CADM1: variants seen among roughly 807,000 people sequenced by gnomAD.
CADM1 encodes cell adhesion molecule 1, also known as TSLC-1.
Under a neutral mutation model 53.1 loss-of-function variants are expected in CADM1, and 15 were observed. That is an observed-to-expected ratio of 0.28 (90% confidence interval 0.19 to 0.44). CADM1 has a LOEUF of 0.44. Ranked by LOEUF, CADM1 falls within the 20% of genes least tolerant of loss-of-function variation. The pLI is 1.00. For missense variants in CADM1, 434 were observed against 611.3 expected, an observed-to-expected ratio of 0.71 and a Z score of 3.06; for synonymous variants, 281 against 243.0, an observed-to-expected ratio of 1.16 and a Z score of -1.45.
intron 1 of CADM1, among the ~76,000 whole-genome samples, chr11:115,278,871 G>A (rs1019692510): frequency 1.3e-5 from 2 of 152,178 alleles, no homozygotes; most frequent in Non-Finnish European, 2.9e-5. Flanking sequence ...ACAAAATGGT[G>A]GTGAGAGAGG....
rs546559974 is a variant in CADM1 at position 115,286,461 on chromosome 11, T to C, written c.125-46041A>G. Among the ~76,000 whole-genome samples, 5 of 152,316 alleles carry C rather than the reference T, an allele frequency of 3.3e-5. No homozygotes were observed. In the South Asian group the frequency reaches 8.3e-4, roughly 25 times the overall value. The stretch of plus-strand genomic sequence containing the variant: ...AGCTTATATACAAAACTGATTACTA[T>C]ATGCATTTTCAAAGGAGTTTAAATG... On this transcript the variant is annotated intron_variant, in intron 1 of 11. Coordinates refer to ENST00000331581, the MANE Select transcript of CADM1 (RefSeq NM_001301043.2).
chr11:115,259,531 C>T (rs553922101), intron 1 of CADM1, among the ~76,000 whole-genome samples: 9 of 152,156 alleles, frequency 5.9e-5, no homozygotes, highest in African/African-American at 2.2e-4. Flanking sequence ...GTCTCAAACT[C>T]CTGAGCTCAG....
chr11:115,364,270 G>A (rs564534197), intron 1 of CADM1, among the ~76,000 whole-genome samples: 88 of 152,166 alleles, frequency 5.8e-4, no homozygotes, highest in African/African-American at 2.0e-3. Context: ...CTTTTCTAAG[G>A]CCAAGTTATT....
At chr11:115,348,753 C>T (rs765610998) in intron 1 of CADM1, among the ~76,000 whole-genome samples, 7 of 152,224 alleles carry the variant, frequency 4.6e-5, no homozygotes, top group African/African-American at 9.6e-5. Flanking sequence ...AGCAAAACTG[C>T]TCACCACTGC....
At chr11:115,223,721 C>T (rs187663126) in intron 5 of CADM1, among the ~76,000 whole-genome samples, 1 of 152,226 alleles carries the variant, frequency 6.6e-6, no homozygotes, top group East Asian at 1.9e-4. Context: ...ACTTTTGGTA[C>T]TGCAGATTGT....
chr11:115,369,354 T>G (rs947971222), intron 1 of CADM1, among the ~76,000 whole-genome samples: 8 of 152,160 alleles, frequency 5.3e-5, no homozygotes, highest in Non-Finnish European at 1.0e-4. Flanking sequence ...TCTCCTAGGA[T>G]TCTATGGGAG....
intron 1 of CADM1, among the ~76,000 whole-genome samples, chr11:115,340,626 T>TTATATATA (rs869156485): frequency 0.013 from 610 of 48,102 alleles, 28 homozygotes; most frequent in Non-Finnish European, 0.015. Flanking sequence ...ATAATAAATA[T>TTATATATA]TATATATATA....
At chr11:115,364,958 T>C (rs1946120631) in intron 1 of CADM1, among the ~76,000 whole-genome samples, 1 of 152,240 alleles carries the variant, frequency 6.6e-6, no homozygotes, top group African/African-American at 2.4e-5. Context: ...ATATTCTTTA[T>C]CCATTTTCAC....
rs1938728010 is a variant in CADM1 at position 115,169,680 on chromosome 11, C to A, written c.*6794G>T. On this transcript the variant is annotated 3_prime_UTR_variant, in exon 12 of 12. Transcript: ENST00000331581. ...AGAGAGATGGATAGTAATTTCGTCA[C>A]TAGCTAACAGAGACTGATTAGTGCA... 1.8e-5 allele frequency: 8 copies of A among 455,250 alleles called. No homozygotes were observed. Among genetic ancestry groups the A allele is most frequent in the South Asian group, 1.2e-4 (8 of 64,164 alleles). The allele number at this position is 455,250 out of a possible 1,614,324, so 28.2% of individuals were successfully genotyped here.
chr11:115,218,862 A>C (rs902627712), intron 5 of CADM1, among the ~76,000 whole-genome samples: 12 of 151,564 alleles, frequency 7.9e-5, no homozygotes, highest in Non-Finnish European at 1.5e-4. Flanking sequence ...TGGCTATGAG[A>C]GCTGAATAAT....
intron 1 of CADM1, among the ~76,000 whole-genome samples, chr11:115,289,287 C>G (rs1943813867): frequency 6.6e-6 from 1 of 152,004 alleles, no homozygotes; most frequent in Non-Finnish European, 1.5e-5. Context: ...ATTGTTTGAA[C>G]CCGCAGGGTG....
At chr11:115,323,059 A>G (rs1235094955) in intron 1 of CADM1, among the ~76,000 whole-genome samples, 3 of 152,154 alleles carry the variant, frequency 2.0e-5, no homozygotes, top group Non-Finnish European at 2.9e-5. Context: ...CTAGCAACAT[A>G]TAAGAGCTCC....
intron 1 of CADM1, among the ~76,000 whole-genome samples, chr11:115,414,879 G>A (rs1010763749): frequency 1.3e-5 from 2 of 152,184 alleles, no homozygotes; most frequent in African/African-American, 4.8e-5. Context: ...TGAAGTTCAA[G>A]CAAATCTCTT....
intron 1 of CADM1, among the ~76,000 whole-genome samples, chr11:115,411,543 AG>A (rs1353549603): frequency 6.6e-6 from 1 of 152,240 alleles, no homozygotes; most frequent in Non-Finnish European, 1.5e-5. Context: ...AAACAGCAAA[AG>A]AAGGCCTACC....
At chr11:115,300,191 A>AT (rs1944182813) in intron 1 of CADM1, among the ~76,000 whole-genome samples, 1 of 152,138 alleles carries the variant, frequency 6.6e-6, no homozygotes, top group Non-Finnish European at 1.5e-5. Flanking sequence ...CTCGGTGATG[A>AT]TGTGAATAAC....
chr11:115,368,748 GAAT>G (rs1355334499), intron 1 of CADM1, among the ~76,000 whole-genome samples: 4 of 151,976 alleles, frequency 2.6e-5, no homozygotes, highest in Non-Finnish European at 2.9e-5. Flanking sequence ...AAATAAATCT[GAAT>G]AATAACTCCT....
intron 1 of CADM1, among the ~76,000 whole-genome samples, chr11:115,457,738 A>G (rs987256292): frequency 6.6e-6 from 1 of 152,162 alleles, no homozygotes. Flanking sequence ...AAGGAGTTTC[A>G]GCCTGATAGG....
chr11:115,371,163 TTTGTTATTTAAAA>T (rs1946296923), intron 1 of CADM1, among the ~76,000 whole-genome samples: 2 of 152,164 alleles, frequency 1.3e-5, no homozygotes, highest in Non-Finnish European at 2.9e-5. Context: ...GTAAGACTTT[TTTGTTATTTAAAA>T]GATATTTTAA....
At chr11:115,284,181 C>T (rs973620767) in intron 1 of CADM1, among the ~76,000 whole-genome samples, 5 of 148,764 alleles carry the variant, frequency 3.4e-5, no homozygotes, top group Admixed American at 6.8e-5. Context: ...AGAAAGCAGA[C>T]GTGGGCAGAC....
Sources: gnomAD v4.1 joint callset for allele counts (sites outside exome capture counted in the v4.1 genomes callset) on GRCh38, gnomAD v4.1.1 for gene constraint, MANE v1.5 for transcripts, NCBI Gene and HGNC (gene_info 2026-07-23, HGNC 2026-07-21) for gene names.